RNLS: variants seen among roughly 807,000 people sequenced by gnomAD.
RNLS encodes the protein renalase, FAD dependent amine oxidase.
RNLS carries 39 observed loss-of-function variants against 39.8 expected under a neutral mutation model. That is an observed-to-expected ratio of 0.98 (90% CI 0.76 to 1.28). The LOEUF (loss-of-function observed/expected upper bound fraction) is 1.28, where lower values mean the gene tolerates loss of function less well. Among genes scored for constraint, RNLS ranks in the 50% most tolerant of loss-of-function variants. The probability of loss-of-function intolerance (pLI) is 0.00; values close to 1 mark genes in which losing one functional copy is unlikely to be tolerated. For missense variants in RNLS, 410 were observed against 413.3 expected (o/e 0.99, Z 0.07); for synonymous variants, 147 against 150.7 (o/e 0.98, Z 0.18).
At chr10:88,521,831 C>T (rs1284590761) in intron 4 of RNLS, among the ~76,000 whole-genome samples, 1 of 151,974 alleles carries the variant, frequency 6.6e-6, no homozygotes, top group African/African-American at 2.4e-5. Flanking sequence ...CTAAGTCAAC[C>T]TGGGAATAGC....
intron 4 of RNLS, among the ~76,000 whole-genome samples, chr10:88,541,632 T>C (rs1848046682): frequency 1.3e-5 from 2 of 152,130 alleles, no homozygotes; most frequent in South Asian, 4.1e-4. Flanking sequence ...AAGATTATGT[T>C]TTCAAAAGAA....
intron 4 of RNLS, among the ~76,000 whole-genome samples, chr10:88,461,957 T>C (rs1003752652): frequency 6.6e-6 from 1 of 152,122 alleles, no homozygotes; most frequent in African/African-American, 2.4e-5. Flanking sequence ...GCTTTCTATC[T>C]AATTATAATG....
the RNLS span, among the ~76,000 whole-genome samples, chr10:88,187,176 ATAATATATATAATATATATAAT>A: frequency 3.1e-5 from 2 of 65,312 alleles, 1 homozygote; most frequent in Admixed American, 3.5e-4. Context: ...TAATATATAT[ATAATATATATAATATATATAAT>A]ATATATATAA....
intron 4 of RNLS, among the ~76,000 whole-genome samples, chr10:88,421,549 G>T (rs983377805): frequency 1.3e-5 from 2 of 152,030 alleles, no homozygotes; most frequent in African/African-American, 4.8e-5. Context: ...TACAAGTCTG[G>T]ACTTGTGAAG....
At chr10:88,339,237 T>C (rs534150036) in intron 5 of RNLS, among the ~76,000 whole-genome samples, 106 of 152,322 alleles carry the variant, frequency 7.0e-4, no homozygotes, top group African/African-American at 2.5e-3. Flanking sequence ...GGTGTTATAA[T>C]CTCTTCTTGA....
At chr10:88,578,610 T>C (rs1176073460) in intron 3 of RNLS, among the ~76,000 whole-genome samples, 1 of 151,982 alleles carries the variant, frequency 6.6e-6, no homozygotes, top group Non-Finnish European at 1.5e-5. Flanking sequence ...TTATATAAAC[T>C]CAAGTTAAAT....
chr10:88,413,900 G>A (rs1161492003), intron 4 of RNLS, among the ~76,000 whole-genome samples: 1 of 152,052 alleles, frequency 6.6e-6, no homozygotes, highest in Non-Finnish European at 1.5e-5. Context: ...TGAGAACCTG[G>A]ACCTTATTTT....
At chr10:88,497,364 A>G (rs550867849) in intron 4 of RNLS, among the ~76,000 whole-genome samples, 1 of 152,218 alleles carries the variant, frequency 6.6e-6, no homozygotes, top group African/African-American at 2.4e-5. Flanking sequence ...AGATTACAGT[A>G]GCCCTCACTG....
At chr10:88,412,177 A>G (rs931709130) in intron 4 of RNLS, among the ~76,000 whole-genome samples, 1 of 152,080 alleles carries the variant, frequency 6.6e-6, no homozygotes, top group African/African-American at 2.4e-5. Flanking sequence ...GGCCGCTGCA[A>G]TAATTCAGAG....
At chr10:88,497,966 C>T (rs544394627) in intron 4 of RNLS, among the ~76,000 whole-genome samples, 14 of 151,282 alleles carry the variant, frequency 9.3e-5, no homozygotes, top group Admixed American at 5.3e-4. Flanking sequence ...CCAAAAAGTC[C>T]TAGTCAAGAG....
intron 4 of RNLS, among the ~76,000 whole-genome samples, chr10:88,414,654 T>C (rs976132633): frequency 3.9e-5 from 6 of 152,310 alleles, no homozygotes; most frequent in African/African-American, 1.4e-4. Flanking sequence ...TTGGAGCTTT[T>C]TGACTCTTAT....
chr10:88,414,203 A>G (rs1000017616), intron 4 of RNLS, among the ~76,000 whole-genome samples: 3 of 151,860 alleles, frequency 2.0e-5, no homozygotes, highest in Admixed American at 2.0e-4. Flanking sequence ...GCAAGAGTAT[A>G]ATAAAAACAG....
the RNLS span, among the ~76,000 whole-genome samples, chr10:88,224,458 G>A: frequency 2.6e-5 from 4 of 152,164 alleles, no homozygotes; most frequent in African/African-American, 4.8e-5. Context: ...AAAACTAGAA[G>A]GAATGGTTTC....
intron 4 of RNLS, among the ~76,000 whole-genome samples, chr10:88,510,107 T>C (rs1846029932): frequency 6.6e-6 from 1 of 152,140 alleles, no homozygotes; most frequent in Admixed American, 6.6e-5. Flanking sequence ...GTCTCAACCA[T>C]TTCACACTTC....
chr10:88,261,302 T>G, the RNLS span, among the ~76,000 whole-genome samples: 1 of 152,172 alleles, frequency 6.6e-6, no homozygotes, highest in African/African-American at 2.4e-5. Context: ...AGGATAATAT[T>G]AGACACCCTC....
In RNLS at chr10:88,388,144, C is replaced by A. The variant is rs541867182; in HGVS notation, c.527-25419G>T. On this transcript the variant is annotated intron_variant, in intron 4 of 6. Transcript: ENST00000331772. ...CTTAGTCGACAACATAACCATTCAC[C>A]CAGTTGCTCAAGCTAAGAACCTGTA... 7.9e-5 allele frequency among the ~76,000 whole-genome samples: 12 copies of A among 152,222 alleles called. No individual in the cohort carries two copies. In the South Asian group the frequency reaches 2.3e-3, roughly 29 times the overall value.
intron 4 of RNLS, among the ~76,000 whole-genome samples, chr10:88,391,018 CCTTA>C (rs1252732021): frequency 1.3e-5 from 2 of 152,154 alleles, no homozygotes; most frequent in Non-Finnish European, 2.9e-5. Flanking sequence ...TTCATTTGAA[CCTTA>C]CTGAGAATTG....
chr10:88,401,136 T>C (rs1852891620), intron 4 of RNLS, among the ~76,000 whole-genome samples: 1 of 151,972 alleles, frequency 6.6e-6, no homozygotes, highest in Non-Finnish European at 1.5e-5. Flanking sequence ...AAGGTAAATT[T>C]CACCTTTAGG....
At chr10:88,199,119 C>T in the RNLS span, among the ~76,000 whole-genome samples, 1 of 152,066 alleles carries the variant, frequency 6.6e-6, no homozygotes, top group African/African-American at 2.4e-5. Context: ...CTGTTTCTGC[C>T]CCCAGTGAAA....
Sources: allele counts gnomAD v4.1 joint callset (sites outside exome capture counted in the v4.1 genomes callset), GRCh38; gene constraint gnomAD v4.1.1; transcripts MANE v1.5; gene names NCBI Gene and HGNC (gene_info 2026-07-23, HGNC 2026-07-21).